The following ZNF835 variants were observed in gnomAD, a reference collection of about 807,000 sequenced individuals.
The protein encoded by ZNF835 is zinc finger protein 835.
For missense variants in ZNF835, 783 were observed against 758.4 expected, an observed-to-expected ratio of 1.03 and a Z score of -0.38; for synonymous variants, 323 against 324.7, an observed-to-expected ratio of 0.99 and a Z score of 0.06.
Position 56,663,532 on chromosome 19 carries a change from A to G in ZNF835, c.*53T>C. 1 of 1,608,070 alleles carries G rather than the reference A, an allele frequency of 6.2e-7. No homozygotes were observed. The highest frequency in any genetic ancestry group is 8.5e-7 in the Non-Finnish European group (1 of 1,177,670). ...TTTCCTCACAGGAAGCGTCGGGGAT[A>G]ACACAGTATCTCCCCCATAGCATTG... On this transcript the variant is annotated 3_prime_UTR_variant, in exon 2 of 2. Coordinates refer to ENST00000537055, the MANE Select transcript of ZNF835 (RefSeq NM_001005850.3).
Position 56,663,735 on chromosome 19 carries a change from C to G in ZNF835, c.1464G>C (p.Ala488=), listed in dbSNP as rs757503824. 1.4e-5 allele frequency: 23 copies of G among 1,613,960 alleles called. No homozygotes were observed. The highest frequency in any genetic ancestry group is 1.9e-5 in the Non-Finnish European group (23 of 1,179,906). ...GCGKAFSFSS[A]LIRHQRTHAD... ...CATGCGTCCTCTGGTGTCGGATGAG[C>G]GCGGAGGAGAAGCTGAAGGCCTTCC... Residue 488 remains alanine, a synonymous_variant, in exon 2 of 2, where the codon GCG becomes GCC. Transcript: ENST00000537055.
At position 56,664,593 on chromosome 19, in the gene ZNF835, G is replaced by T; in HGVS notation, c.606C>A (p.Ala202=). 1 of 1,605,572 alleles carries T rather than the reference G, an allele frequency of 6.2e-7. No homozygotes were observed. Among genetic ancestry groups the T allele is most frequent in the South Asian group, 1.1e-5 (1 of 90,490 alleles). ...GGGTCAGGTGCGTGACGCGCGTGAA[G>T]GCCTTGCCGCAGTCGGCGCAGCGGT... ...KPHRCADCGK[A]FTRVTHLTQH... Residue 202 remains alanine (A), a synonymous_variant, in exon 2 of 2, where the codon GCC becomes GCA. Transcript: ENST00000537055.
Position 56,664,757 on chromosome 19 carries a change from T to C in ZNF835, c.442A>G (p.Ser148Gly). 1 of 1,613,750 alleles carries C rather than the reference T, an allele frequency of 6.2e-7. No individual in the cohort carries two copies. The highest frequency in any genetic ancestry group is 8.5e-7 in the Non-Finnish European group (1 of 1,179,888). ...FACPECGKAFSQSVHLTLHQR... is the reference protein window; with the variant it reads ...FACPECGKAFGQSVHLTLHQR... Reference sequence around the variant, plus strand: ...TGCAGGGTCAGGTGCACGCTCTGGCTGAAGGCCTTGCCGCACTCGGGGCAC... The same window carrying C: ...TGCAGGGTCAGGTGCACGCTCTGGCCGAAGGCCTTGCCGCACTCGGGGCAC... Residue 148 changes from serine (S) to glycine (G), a missense_variant, in exon 2 of 2, where the codon AGC (serine) becomes GGC (glycine). Coordinates refer to ENST00000537055, the MANE Select transcript of ZNF835 (RefSeq NM_001005850.3).
chr19:56,669,618 G>C (rs568510698), intron 1 of ZNF835, among the ~76,000 whole-genome samples: 23 of 74,786 alleles, frequency 3.1e-4, no homozygotes, highest in Non-Finnish European at 4.2e-4. Context: ...AATGTACTTG[G>C]GGGCCTACCA....
Position 56,664,182 on chromosome 19 carries a change from G to C in ZNF835, c.1017C>G (p.Cys339Trp), listed in dbSNP as rs781370724. Residue 339 changes from cysteine (C) to tryptophan (W), a missense_variant, in exon 2 of 2, where the codon TGC becomes TGG. Cys to Trp is a radical substitution (Grantham distance 215). Coordinates refer to ENST00000537055, the MANE Select transcript of ZNF835 (RefSeq NM_001005850.3). ...TGEKPYACGQ[C>W]AKAFTQVSHL... is the part of the protein sequence containing the mutation. ...GCGACACCTGGGTGAAGGCCTTGGC[G>C]CACTGGCCGCACGCGTAGGGCTTCT... 1 of 1,610,378 alleles carries C rather than the reference G, an allele frequency of 6.2e-7. No individual in the cohort carries two copies. The highest frequency in any genetic ancestry group is 1.1e-5 in the South Asian group (1 of 90,914).
chr19:56,665,622 C>T (rs1011656593), intron 1 of ZNF835, among the ~76,000 whole-genome samples: 1 of 152,076 alleles, frequency 6.6e-6, no homozygotes, highest in Non-Finnish European at 1.5e-5. Context: ...GGCAACACAG[C>T]AAGATCTCAT....
chr19:56,666,947 T>C (rs953298174), intron 1 of ZNF835, among the ~76,000 whole-genome samples: 4 of 152,134 alleles, frequency 2.6e-5, no homozygotes, highest in Non-Finnish European at 4.4e-5. Context: ...CTCACTATGC[T>C]CCCCTTCTAC....
At chr19:56,666,441 C>T (rs940697780) in intron 1 of ZNF835, among the ~76,000 whole-genome samples, 1 of 152,148 alleles carries the variant, frequency 6.6e-6, no homozygotes, top group African/African-American at 2.4e-5. Flanking sequence ...GGAAGCGACA[C>T]CAGAGCTCGC....
At chr19:56,668,468 G>A (rs566708261) in intron 1 of ZNF835, among the ~76,000 whole-genome samples, 273 of 151,046 alleles carry the variant, frequency 1.8e-3, no homozygotes, top group African/African-American at 6.3e-3. Flanking sequence ...TGGCTCAAGT[G>A]ATCCTCTCAC....
chr19:56,669,365 T>C (rs2045271359), intron 1 of ZNF835, among the ~76,000 whole-genome samples: 1 of 152,104 alleles, frequency 6.6e-6, no homozygotes. Context: ...CGGGCGTGAC[T>C]GACATAGGTG....
chr19:56,662,817 G>T lies in ZNF835; in HGVS notation c.*768C>A, dbSNP rs1202232357. ...AGGCAGGCAGATCGCCTGATGTTAGGAGTTCGAGACAGCCTGGCCAACATG... is the reference window on the plus strand; with the variant it reads ...AGGCAGGCAGATCGCCTGATGTTAGTAGTTCGAGACAGCCTGGCCAACATG... On this transcript the variant is annotated 3_prime_UTR_variant, in exon 2 of 2. Coordinates refer to ENST00000537055, the MANE Select transcript of ZNF835 (RefSeq NM_001005850.3). 6.6e-6 allele frequency: 1 copy of T among 152,280 alleles called. No homozygotes were observed. Among genetic ancestry groups the T allele is most frequent in the African/African-American group, 2.4e-5 (1 of 41,462 alleles). 9.4% of individuals were successfully genotyped at this position (152,280 alleles called of 1,614,324 possible).
In ZNF835 at chr19:56,669,397, A is replaced by G. The variant is rs192658230; in HGVS notation, c.-48+2179T>C. Among the ~76,000 whole-genome samples, 579 of 152,226 alleles carry G rather than the reference A, an allele frequency of 3.8e-3. 5 individuals carry two copies. The highest frequency in any genetic ancestry group is 0.013 in the African/African-American group (548 of 41,526). Reference sequence around the variant, plus strand: ...GGTGTGATGACACTGGCCATCGGTGATGAACTCAACTTCCAGCCCTCTCCC... The same window carrying G: ...GGTGTGATGACACTGGCCATCGGTGGTGAACTCAACTTCCAGCCCTCTCCC... On this transcript the variant is annotated intron_variant, in intron 1 of 1. Transcript: ENST00000537055.
chr19:56,667,482 C>T (rs370534683), intron 1 of ZNF835, among the ~76,000 whole-genome samples: 6 of 152,224 alleles, frequency 3.9e-5, no homozygotes, highest in African/African-American at 1.2e-4. Flanking sequence ...CTAAACAGGG[C>T]TCCAGCCTCC....
chr19:56,665,251 A>C lies in ZNF835; in HGVS notation c.-47-6T>G. On this transcript the variant is annotated splice_polypyrimidine_tract_variant and splice_region_variant and intron_variant, in intron 1 of 1. Transcript: ENST00000537055. ...CTCACATCTTTTCTCTGGGTCTGAA[A>C]AGAAAAAGATAGAAAAAAAAATTAA... 1 of 1,603,310 alleles carries C rather than the reference A, an allele frequency of 6.2e-7. No homozygotes were observed. Among genetic ancestry groups the C allele is most frequent in the South Asian group, 1.1e-5 (1 of 89,520 alleles).
At chr19:56,669,064 C>T (rs145175931) in intron 1 of ZNF835, among the ~76,000 whole-genome samples, 183 of 152,280 alleles carry the variant, frequency 1.2e-3, no homozygotes, top group African/African-American at 4.4e-3. Context: ...CACCAACAAC[C>T]AAGTCTCCAA....
chr19:56,669,125 A>G (rs2045269773), intron 1 of ZNF835, among the ~76,000 whole-genome samples: 1 of 152,042 alleles, frequency 6.6e-6, no homozygotes, highest in Non-Finnish European at 1.5e-5. Flanking sequence ...AACTGCCTCA[A>G]CCCCTCCTTG....
Position 56,664,905 on chromosome 19 carries a change from G to A in ZNF835, c.294C>T (p.Arg98=), listed in dbSNP as rs2045230985. ...ESPKERHPDS[R]QRERGGGPKK... is the part of the protein sequence containing the mutation. ...TGGGGCCTCCACCTCTCTCCCGCTG[G>A]CGGCTGTCAGGATGCCTCTCCTTCG... Residue 98 remains arginine, a synonymous_variant, in exon 2 of 2, where the codon CGC becomes CGT. Transcript: ENST00000537055. 6.2e-7 allele frequency: 1 copy of A among 1,613,928 alleles called. No individual in the cohort carries two copies. Among genetic ancestry groups the A allele is most frequent in the Non-Finnish European group, 8.5e-7 (1 of 1,179,882 alleles).
rs2045230458 is a variant in ZNF835 at position 56,664,863 on chromosome 19, G to A, written c.336C>T (p.Cys112=). 2 of 1,613,708 alleles carry A rather than the reference G, an allele frequency of 1.2e-6. No homozygotes were observed. The highest frequency in any genetic ancestry group is 1.7e-6 in the Non-Finnish European group (2 of 1,179,924). The change falls in exon 2 of 2, where the codon TGC becomes TGT. Residue 112 remains cysteine (C), a synonymous_variant. Transcript: ENST00000537055. The part of the protein sequence containing the change: ...RGGGPKKPWK[C]GDCGKAFSYC... ...AGCTGAAGGCCTTCCCGCAGTCCCC[G>A]CATTTCCACGGCTTCTTGGGGCCTC...
Position 56,664,527 on chromosome 19 carries a change from G to A in ZNF835, c.672C>T (p.Cys224=), listed in dbSNP as rs964046739. ...TGCGGAACGCCTTGGCGCACTGGGC[G>A]CACGCGTAGGGCCGCTCGCCCGTGT... ...RVHTGERPYA[C]AQCAKAFRNR... is the part of the protein sequence containing the mutation. Residue 224 remains cysteine (C), a synonymous_variant, in exon 2 of 2, where the codon TGC becomes TGT. Transcript: ENST00000537055. 5 of 1,610,922 alleles carry A rather than the reference G, an allele frequency of 3.1e-6. No individual in the cohort carries two copies. Among genetic ancestry groups the A allele is most frequent in the Non-Finnish European group, 3.4e-6 (4 of 1,178,448 alleles).
Sources: allele counts gnomAD v4.1 joint callset (sites outside exome capture counted in the v4.1 genomes callset), GRCh38; gene constraint gnomAD v4.1.1; transcripts MANE v1.5; gene names NCBI Gene and HGNC (gene_info 2026-07-23, HGNC 2026-07-21).